The following DAB2IP variants were observed in gnomAD, a reference collection of about 807,000 sequenced individuals.
DAB2IP encodes the protein disabled homolog 2-interacting protein.
In DAB2IP, 28 loss-of-function variants were observed where a neutral mutation model predicts 107.2. That is an observed-to-expected ratio of 0.26 (90% confidence interval 0.19 to 0.36). The LOEUF is 0.36. Ranked by LOEUF, DAB2IP falls within the 10% of genes least tolerant of loss-of-function variation. The pLI, the probability that DAB2IP is intolerant of heterozygous loss-of-function variation, is 1.00. For missense variants in DAB2IP, 1,400 were observed against 1,644.7 expected (o/e 0.85, Z 2.57); for synonymous variants, 755 against 706.4 (o/e 1.07, Z -1.09).
At chr9:121,721,709 T>C (rs1830946754) in intron 3 of DAB2IP, among the ~76,000 whole-genome samples, 1 of 152,220 alleles carries the variant, frequency 6.6e-6, no homozygotes. Context: ...CTGTGTGGGC[T>C]AAACAAAACA....
chr9:121,664,788 G>A (rs147488676), intron 1 of DAB2IP, among the ~76,000 whole-genome samples: 8 of 152,336 alleles, frequency 5.3e-5, no homozygotes, highest in Non-Finnish European at 1.2e-4. Flanking sequence ...GTTTATATCA[G>A]TTCCCCTTCC....
intron 1 of DAB2IP, among the ~76,000 whole-genome samples, chr9:121,578,452 G>A (rs897620342): frequency 5.9e-5 from 9 of 151,780 alleles, no homozygotes; most frequent in Non-Finnish European, 8.8e-5. Flanking sequence ...TACCGTGCCC[G>A]GCAGCAAGAG....
At chr9:121,621,627 C>CT (rs1564705187) in intron 1 of DAB2IP, among the ~76,000 whole-genome samples, 1 of 147,192 alleles carries the variant, frequency 6.8e-6, no homozygotes, top group Non-Finnish European at 1.5e-5. Flanking sequence ...GTTTGTATTT[C>CT]TTTTTTTCCT....
At chr9:121,582,486 T>A (rs577804627) in intron 1 of DAB2IP, among the ~76,000 whole-genome samples, 1 of 152,118 alleles carries the variant, frequency 6.6e-6, no homozygotes, top group East Asian at 1.9e-4. Flanking sequence ...GGCAGCCAGG[T>A]GTGCTTCTAC....
chr9:121,686,262 T>C, intron 2 of DAB2IP, among the ~76,000 whole-genome samples: 1 of 152,176 alleles, frequency 6.6e-6, no homozygotes, highest in Non-Finnish European at 1.5e-5. Flanking sequence ...CCCTGGAATC[T>C]TCTGCCTCAT....
At chr9:121,758,128 G>T (rs755478818) in intron 4 of DAB2IP, among the ~76,000 whole-genome samples, 1 of 152,220 alleles carries the variant, frequency 6.6e-6, no homozygotes, top group Non-Finnish European at 1.5e-5. Flanking sequence ...TGTGGAGGGT[G>T]CAGGCCCTCG....
upstream of DAB2IP, among the ~76,000 whole-genome samples, chr9:121,648,940 C>A (rs866356427): frequency 6.6e-6 from 1 of 152,134 alleles, no homozygotes; most frequent in Non-Finnish European, 1.5e-5. Context: ...GGGGCGCCGG[C>A]GGGAGGTGGG....
At chr9:121,664,470 G>A (rs951036677) in intron 1 of DAB2IP, among the ~76,000 whole-genome samples, 2 of 152,150 alleles carry the variant, frequency 1.3e-5, no homozygotes, top group Admixed American at 1.3e-4. Flanking sequence ...TGACTCTATG[G>A]ATCAGTTTGG....
At chr9:121,602,760 G>A (rs112244821) in intron 1 of DAB2IP, among the ~76,000 whole-genome samples, 9,295 of 151,992 alleles carry the variant, frequency 0.061, 552 homozygotes, top group African/African-American at 0.15. Flanking sequence ...TATTTTTAGT[G>A]GAGACAGGGT....
Position 121,634,571 on chromosome 9 carries a change from G to T in DAB2IP, c.41-44107G>T, listed in dbSNP as rs954444041. ...CGGTGCGCAGTTTGGAAGGGGTGAC[G>T]CGCAGGTCTGAGAATGGGTGGGCAG... On this transcript the variant is annotated intron_variant, in intron 1 of 16. Transcript: ENST00000259371. This position sits in a 1 kb window ranked among gnomAD's most constrained non-coding sequence, Gnocchi z 4.7. Among the ~76,000 whole-genome samples the T allele has an allele frequency of 1.3e-5, 2 of 152,124 alleles. No individual in the cohort carries two copies. Among genetic ancestry groups the T allele is most frequent in the Admixed American group, 6.5e-5 (1 of 15,268 alleles).
chr9:121,642,023 CTCTCTCTCTT>C (rs1832352898), intron 1 of DAB2IP, among the ~76,000 whole-genome samples: 5 of 34,246 alleles, frequency 1.5e-4, no homozygotes, highest in Admixed American at 3.6e-4. Flanking sequence ...CTCTCTCTCT[CTCTCTCTCTT>C]TCTTTCTTTC....
At chr9:121,674,095 A>G (rs1228459068) in intron 1 of DAB2IP, among the ~76,000 whole-genome samples, 1 of 152,224 alleles carries the variant, frequency 6.6e-6, no homozygotes, top group African/African-American at 2.4e-5. Flanking sequence ...CTGAGGCCCC[A>G]TGGAGGAGGG....
intron 3 of DAB2IP, among the ~76,000 whole-genome samples, chr9:121,741,112 T>G (rs1461592160): frequency 6.6e-6 from 1 of 152,134 alleles, no homozygotes; most frequent in Non-Finnish European, 1.5e-5. Flanking sequence ...CCCACCTGTT[T>G]CCTCTGATGC....
At chr9:121,672,603 C>T (rs1833727311) in intron 1 of DAB2IP, among the ~76,000 whole-genome samples, 1 of 152,184 alleles carries the variant, frequency 6.6e-6, no homozygotes, top group Non-Finnish European at 1.5e-5. Context: ...CTTTCCACCT[C>T]CTAGAGGAAA....
chr9:121,781,514 C>T (rs1486892678), exon 15 of DAB2IP: 5 of 1,613,986 alleles, frequency 3.1e-6, no homozygotes, highest in Non-Finnish European at 3.4e-6. Flanking sequence ...GAGATGCAAG[C>T]GGCTGTGGAC....
chr9:121,770,526 C>T lies in DAB2IP; in HGVS notation c.1900-20C>T, dbSNP rs767806777. 3 of 1,608,322 alleles carry T rather than the reference C, an allele frequency of 1.9e-6. No individual in the cohort carries two copies. The highest frequency in any genetic ancestry group is 2.2e-5 in the East Asian group (1 of 44,706). ...TGTGGTCCCAGGAGGTCACACCTGC[C>T]TCTTGCTGTGCCTTTACAGAGCATA... On this transcript the variant is annotated intron_variant, in intron 10 of 15. Transcript: ENST00000408936.
intron 3 of DAB2IP, among the ~76,000 whole-genome samples, chr9:121,710,952 A>G (rs1204041033): frequency 6.6e-6 from 1 of 152,216 alleles, no homozygotes; most frequent in Non-Finnish European, 1.5e-5. Context: ...CCCGGAGCCC[A>G]TCCAGCCTGC....
At chr9:121,768,250 A>G (rs918403435) in intron 9 of DAB2IP, among the ~76,000 whole-genome samples, 182 bp from the exon 10 acceptor site, 1 of 152,130 alleles carries the variant, frequency 6.6e-6, no homozygotes. Flanking sequence ...GGATCGCTGG[A>G]CTTACCATGA....
chr9:121,574,420 A>C (rs565122938), intron 1 of DAB2IP, among the ~76,000 whole-genome samples: 1 of 152,250 alleles, frequency 6.6e-6, no homozygotes, highest in South Asian at 2.1e-4. Context: ...GTCCTAGACC[A>C]GGCTGCCTGG....
Sources: gnomAD v4.1 joint callset for allele counts (sites outside exome capture counted in the v4.1 genomes callset) on GRCh38, gnomAD v4.1.1 for gene constraint, Gnocchi (gnomAD v3.1) non-coding constraint, MANE v1.5 for transcripts, NCBI Gene and HGNC (gene_info 2026-07-23, HGNC 2026-07-21) for gene names.